The following DPF2 variants were observed in gnomAD, a reference collection of about 807,000 sequenced individuals.
The protein encoded by DPF2 is double PHD fingers 2, also known as zinc finger protein ubi-d4.
Under a neutral mutation model 59.6 loss-of-function variants are expected in DPF2, and 10 were observed. The observed-to-expected ratio is 0.17, with a 90% confidence interval of 0.10 to 0.28. The LOEUF (loss-of-function observed/expected upper bound fraction) is 0.28. Among genes scored for constraint, DPF2 ranks in the 10% least tolerant of loss-of-function variants. The probability of loss-of-function intolerance (pLI) is 1.00; values close to 1 mark genes in which losing one functional copy is unlikely to be tolerated. For synonymous variants in DPF2, 189 were observed against 190.6 expected (o/e 0.99, Z 0.07); for missense variants, 315 against 509.4 (o/e 0.62, Z 3.67).
In DPF2 at chr11:65,353,338, G is replaced by A. The variant is rs1328633430; in HGVS notation, c.*1579G>A. On this transcript the variant is annotated 3_prime_UTR_variant, in exon 11 of 11. Transcript: ENST00000528416. ...TGGAAGTGATGACAGGTTTATAACA[G>A]TTGACCTTGCAATCTCAGACATTTA... The A allele has an allele frequency of 6.6e-6, 1 of 152,204 alleles. No individual in the cohort carries two copies. The highest frequency in any genetic ancestry group is 1.5e-5 in the Non-Finnish European group (1 of 68,046). 9.4% of individuals were successfully genotyped at this position (152,204 alleles called of 1,614,324 possible).
intron 1 of DPF2, among the ~76,000 whole-genome samples, chr11:65,337,504 T>G (rs2904969): frequency 0.25 from 5,293 of 21,142 alleles, 844 homozygotes; most frequent in Non-Finnish European, 0.29. Flanking sequence ...TATATATATA[T>G]AGAGAGAGAG....
Position 65,344,475 on chromosome 11 carries a change from C to A in DPF2, c.637+406C>A, listed in dbSNP as rs541592571. ...TGTCCCTCCACCCTGGGAGCACCAT[C>A]GCCGCTGGGGTTTCTCTCTCGTTTG... On this transcript the variant is annotated intron_variant, in intron 6 of 10. Coordinates refer to ENST00000528416, the MANE Select transcript of DPF2 (RefSeq NM_006268.5). 656 of 1,129,306 alleles carry A rather than the reference C, an allele frequency of 5.8e-4. 2 individuals carry two copies. Among genetic ancestry groups the A allele is most frequent in the Non-Finnish European group, 7.3e-4 (581 of 793,534 alleles). The allele number at this position is 1,129,306 out of a possible 1,614,324, so 70.0% of individuals were successfully genotyped here. A position where few individuals can be genotyped will look rare whatever the true frequency, so the allele number is the denominator to read the frequency against.
At chr11:65,338,940 C>T (rs139753616) in intron 1 of DPF2, among the ~76,000 whole-genome samples, 3 of 152,270 alleles carry the variant, frequency 2.0e-5, no homozygotes, top group East Asian at 3.9e-4. Flanking sequence ...GGTCCAACCT[C>T]CTCAATCTAT....
At position 65,353,444 on chromosome 11, in the gene DPF2, C is replaced by G. The variant is rs1590942101; in HGVS notation, c.*1685C>G. On this transcript the variant is annotated 3_prime_UTR_variant, in exon 11 of 11. Coordinates refer to ENST00000528416, the MANE Select transcript of DPF2 (RefSeq NM_006268.5). ...CATGGGACACACACAAAAGTTCTTG[C>G]AGGAGCAGGGTCTGTGTGGCTTCAG... Among the ~76,000 whole-genome samples, 3 of 152,308 alleles carry G rather than the reference C, an allele frequency of 2.0e-5. No homozygotes were observed. The highest frequency in any genetic ancestry group is 1.9e-4 in the East Asian group (1 of 5,186).
In DPF2 at chr11:65,333,869, G is replaced by C; in HGVS notation, c.-18G>C. The C allele has an allele frequency of 6.2e-7, 1 of 1,613,866 alleles. No individual in the cohort carries two copies. ...CGGACTGTGGGGCTTCTCGGCCCGA[G>C]GCAGAGGAACAGGGAAGATGGCGGC... On this transcript the variant is annotated 5_prime_UTR_variant, in exon 1 of 11. Coordinates refer to ENST00000528416, the MANE Select transcript of DPF2 (RefSeq NM_006268.5).
At chr11:65,343,708 C>T (rs1219739752) in intron 4 of DPF2, 37 bp from the exon 5 acceptor site, 10 of 1,558,454 alleles carry the variant, frequency 6.4e-6, no homozygotes, top group Non-Finnish European at 8.7e-6. Flanking sequence ...TTTGGATGCA[C>T]ATATTTCTAC....
Position 65,352,019 on chromosome 11 carries a change from T to C in DPF2, c.*260T>C. 1 of 518,264 alleles carries C rather than the reference T, an allele frequency of 1.9e-6. No homozygotes were observed. Among genetic ancestry groups the C allele is most frequent in the Non-Finnish European group, 3.5e-6 (1 of 286,896 alleles). 32.1% of individuals were successfully genotyped at this position (518,264 alleles called of 1,614,324 possible). ...CAGTTTCTCTCTGCTCTCCATTAAG[T>C]GCATTCACTCTGCTTGCCTTGGGCC... is the stretch of plus-strand genomic sequence containing the variant. On this transcript the variant is annotated 3_prime_UTR_variant, in exon 11 of 11. Transcript: ENST00000528416.
At chr11:65,345,316 A>C in intron 6 of DPF2, 1 of 245,424 alleles carries the variant, frequency 4.1e-6, no homozygotes, top group Non-Finnish European at 8.0e-6. Flanking sequence ...AGATATAGGA[A>C]TATCCTTCCC....
chr11:65,351,005 T>TA (rs561314332), intron 10 of DPF2, among the ~76,000 whole-genome samples: 49 of 146,794 alleles, frequency 3.3e-4, no homozygotes, highest in African/African-American at 8.0e-4. Context: ...TAAAGGGAGT[T>TA]AAAAAAAAAA....
chr11:65,339,261 G>C (rs140025125), intron 1 of DPF2, among the ~76,000 whole-genome samples: 7 of 150,418 alleles, frequency 4.7e-5, no homozygotes, highest in African/African-American at 1.7e-4. Flanking sequence ...AAAAAAACAA[G>C]ATTGATTGAA....
At chr11:65,333,976 A>C in intron 1 of DPF2, 58 bp downstream of exon 1, 1 of 1,167,064 alleles carries the variant, frequency 8.6e-7, no homozygotes, top group Non-Finnish European at 1.3e-6. Flanking sequence ...GCCTGGGAGT[A>C]GGGGGCGGTG....
rs779885840 is a variant in DPF2 at position 65,340,535 on chromosome 11, C to G, written c.183C>G (p.His61Gln). Residue 61 changes from histidine to glutamine, a missense_variant, in exon 2 of 11, where the codon CAC becomes CAG. Coordinates refer to ENST00000528416, the MANE Select transcript of DPF2 (RefSeq NM_006268.5). The stretch of plus-strand genomic sequence containing the variant: ...GTTACATCTGGATGGAAAAGCGACA[C>G]CGGGGTCCAGGTGAGGGTCCAGACT... ...SNCYIWMEKR[H>Q]RGPGLASGQL... The G allele has an allele frequency of 3.7e-6, 6 of 1,614,156 alleles. No homozygotes were observed. The highest frequency in any genetic ancestry group is 4.2e-6 in the Non-Finnish European group (5 of 1,180,022).
At chr11:65,340,126 G>A (rs1184214231) in intron 1 of DPF2, among the ~76,000 whole-genome samples, 1 of 152,180 alleles carries the variant, frequency 6.6e-6, no homozygotes, top group African/African-American at 2.4e-5. Flanking sequence ...ACCTCTTTGG[G>A]GGTTAAACTT....
At chr11:65,347,379 G>C (rs1152618) in intron 9 of DPF2, 7,364 of 152,094 alleles carry the variant, frequency 0.048, 333 homozygotes, top group Non-Finnish European at 0.064. Flanking sequence ...ATCCAGGCTG[G>C]AGTGCAGTGA....
intron 1 of DPF2, among the ~76,000 whole-genome samples, chr11:65,336,906 T>A (rs4930290): frequency 0.58 from 87,345 of 150,064 alleles, 28,555 homozygotes; most frequent in Non-Finnish European, 0.73. Context: ...CTGGCCAAGG[T>A]GGTGAAACCC....
chr11:65,345,873 G>A (rs1408699041), intron 7 of DPF2, 57 bp from the exon 8 acceptor site: 5 of 1,613,224 alleles, frequency 3.1e-6, no homozygotes, highest in Non-Finnish European at 4.2e-6. Flanking sequence ...TCCTTGCATG[G>A]GTGTTGAGTG....
In DPF2 at chr11:65,352,020, G is replaced by C; in HGVS notation, c.*261G>C. The C allele has an allele frequency of 2.0e-6, 1 of 512,546 alleles. No individual in the cohort carries two copies. Among genetic ancestry groups the C allele is most frequent in the East Asian group, 3.4e-5 (1 of 29,758 alleles). 31.7% of individuals were successfully genotyped at this position (512,546 alleles called of 1,614,324 possible). ...AGTTTCTCTCTGCTCTCCATTAAGT[G>C]CATTCACTCTGCTTGCCTTGGGCCC... On this transcript the variant is annotated 3_prime_UTR_variant, in exon 11 of 11. Transcript: ENST00000528416.
In DPF2 at chr11:65,351,799, T is replaced by G. The variant is rs1555032712; in HGVS notation, c.*40T>G. The G allele has an allele frequency of 1.7e-5, 27 of 1,587,234 alleles. No individual in the cohort carries two copies. Among genetic ancestry groups the G allele is most frequent in the Non-Finnish European group, 2.3e-5 (27 of 1,157,276 alleles). On this transcript the variant is annotated 3_prime_UTR_variant, in exon 11 of 11. Coordinates refer to ENST00000528416, the MANE Select transcript of DPF2 (RefSeq NM_006268.5). ...TGCTCCCCGACATATCTAAGGCTGT[T>G]TCTCTCCTCCACTTCATATTTCATA...
intron 4 of DPF2, among the ~76,000 whole-genome samples, chr11:65,343,129 G>A (rs574873527): frequency 9.2e-5 from 14 of 151,904 alleles, no homozygotes; most frequent in Non-Finnish European, 1.6e-4. Flanking sequence ...AAGAAACCCC[G>A]TCTCTACTAA....
Sources: allele counts gnomAD v4.1 joint callset (sites outside exome capture counted in the v4.1 genomes callset), GRCh38; gene constraint gnomAD v4.1.1; transcripts MANE v1.5; gene names NCBI Gene and HGNC (gene_info 2026-07-23, HGNC 2026-07-21).